The following TUBB3 variants were observed in gnomAD, a reference collection of about 807,000 sequenced individuals.
The protein encoded by TUBB3 is tubulin beta 3 class III.
Under a neutral mutation model 37.8 loss-of-function variants are expected in TUBB3, and 17 were observed. That is an observed-to-expected ratio of 0.45 (90% CI 0.31 to 0.67). The LOEUF (loss-of-function observed/expected upper bound fraction) is 0.67, where lower values mean the gene tolerates loss of function less well. Ranked by LOEUF, TUBB3 falls within the 30% of genes least tolerant of loss-of-function variation. The pLI is 0.07. For synonymous variants in TUBB3, 332 were observed against 278.9 expected (o/e 1.19, Z -1.90); for missense variants, 262 against 657.9 (o/e 0.40, Z 6.58).
chr16:89,933,075 C>A, intron 2 of TUBB3: 1 of 476,982 alleles, frequency 2.1e-6, no homozygotes, highest in South Asian at 1.9e-5. Flanking sequence ...CCCACCTGCC[C>A]ACATGGACAT....
rs1443118671 is a variant in TUBB3, at chr16:89,933,595, C to G, written c.277+17C>G. 1 of 1,601,554 alleles carries G rather than the reference C, an allele frequency of 6.2e-7. No individual in the cohort carries two copies. On this transcript the variant is annotated intron_variant, in intron 3 of 3. Transcript: ENST00000315491. ...TCATCTTTGGTAAGTTCCCCCTGCT[C>G]CAAGCTCTGATGGCAGACCCCATCA...
intron 1 of TUBB3, 144 bp from the exon 2 acceptor site, chr16:89,932,427 G>T: frequency 1.4e-6 from 1 of 691,276 alleles, no homozygotes; most frequent in Non-Finnish European, 2.6e-6. Flanking sequence ...AACAGAGTGT[G>T]GGGCTCTCTT....
intron 1 of TUBB3, chr16:89,931,613 A>T (rs2030281320): frequency 6.3e-6 from 1 of 158,752 alleles, no homozygotes; most frequent in Non-Finnish European, 1.4e-5. Context: ...TATACCATTT[A>T]TATGCCTCAC....
intron 2 of TUBB3, chr16:89,933,006 T>C (rs1191009691): frequency 1.0e-5 from 5 of 492,322 alleles, no homozygotes; most frequent in African/African-American, 1.9e-5. Flanking sequence ...CTGGAGGGCT[T>C]AGTCAGGGGC....
chr16:89,930,034 TCC>T, intron 1 of TUBB3, among the ~76,000 whole-genome samples: 1 of 148,912 alleles, frequency 6.7e-6, no homozygotes, highest in East Asian at 2.0e-4. Flanking sequence ...CTTCCTTCCT[TCC>T]TTCCTTCCTT....
At position 89,935,607 on chromosome 16, in the gene TUBB3, A is replaced by G; in HGVS notation, c.1156A>G (p.Thr386Ala). Residue 386 changes from threonine to alanine, a missense_variant, in exon 4 of 4, where the codon ACG (threonine) becomes GCG (alanine). Around this residue, in one of 3 missense-constraint regions of TUBB3, gnomAD observed 165 missense variants for 556.8 expected, o/e 0.30. Transcript: ENST00000315491. ...GTTCAAGCGCATCTCCGAGCAGTTC[A>G]CGGCCATGTTCCGGCGCAAGGCCTT... Reference protein sequence around the residue: ...ELFKRISEQFTAMFRRKAFLH... With the variant: ...ELFKRISEQFAAMFRRKAFLH... The G allele has an allele frequency of 6.2e-7, 1 of 1,613,930 alleles. No homozygotes were observed. The highest frequency in any genetic ancestry group is 8.5e-7 in the Non-Finnish European group (1 of 1,179,972).
chr16:89,931,626 A>C (rs1261307970), intron 1 of TUBB3: 2 of 164,370 alleles, frequency 1.2e-5, no homozygotes, highest in East Asian at 3.3e-4. Context: ...TGCCTCACAC[A>C]GATTAACCCA....
chr16:89,934,223 GGC>G (rs1236943415), intron 3 of TUBB3: 3 of 418,614 alleles, frequency 7.2e-6, no homozygotes, highest in Admixed American at 5.0e-5. Context: ...TGTGTCCTGG[GGC>G]GGGGCCGTGG....
chr16:89,928,594 G>A (rs1419515327), intron 1 of TUBB3, among the ~76,000 whole-genome samples: 4 of 150,510 alleles, frequency 2.7e-5, no homozygotes, highest in African/African-American at 7.4e-5. Context: ...GCACAATCTC[G>A]GTTCACTGCA....
intron 1 of TUBB3, among the ~76,000 whole-genome samples, chr16:89,928,767 G>A (rs1274591104): frequency 6.6e-6 from 1 of 151,596 alleles, no homozygotes; most frequent in Non-Finnish European, 1.5e-5. Context: ...CTCATGATCC[G>A]CCCACCTCGG....
rs1483244757 is a variant in TUBB3, at chr16:89,930,053, TTCCTTC to T, written c.58-2517_58-2512del. ...CTTCCTTCCTTCCTTCCTTCCTTCC[TTCCTTC>T]CTCTCTCTCTCTCTTTCCTTTCTTT... On this transcript the variant is annotated intron_variant, in intron 1 of 3. Transcript: ENST00000315491. Among the ~76,000 whole-genome samples the T allele has an allele frequency of 3.4e-3, 473 of 140,818 alleles. 2 individuals are homozygous for T. Among genetic ancestry groups the T allele is most frequent in the African/African-American group, 0.012 (427 of 37,092 alleles). 92.4% of individuals were successfully genotyped at this position (140,818 alleles called of 152,430 possible).
intron 3 of TUBB3, chr16:89,934,062 G>A (rs1199429118): frequency 5.5e-6 from 2 of 366,888 alleles, no homozygotes; most frequent in East Asian, 8.3e-5. Context: ...GTCCTGGGGC[G>A]GGGCCGTGGA....
Position 89,935,971 on chromosome 16 carries a change from C to T in TUBB3, c.*167C>T, listed in dbSNP as rs917069915. The T allele has an allele frequency of 1.4e-5, 11 of 783,244 alleles. No homozygotes were observed. The highest frequency in any genetic ancestry group is 3.8e-4 in the Middle Eastern group (1 of 2,656). The allele number at this position is 783,244 out of a possible 1,614,324, so 48.5% of individuals were successfully genotyped here. On this transcript the variant is annotated 3_prime_UTR_variant, in exon 4 of 4. Coordinates refer to ENST00000315491, the MANE Select transcript of TUBB3 (RefSeq NM_006086.4). ...GGCCTCGTCCTCCCCACCTAGGCCA[C>T]GTGTGAGCTGCTCCTGTCTCTGTCT...
rs1157702742 is a variant in TUBB3 at position 89,934,961 on chromosome 16, G to T, written c.510G>T (p.Val170=). 2 of 1,614,200 alleles carry T rather than the reference G, an allele frequency of 1.2e-6. No homozygotes were observed. Among genetic ancestry groups the T allele is most frequent in the Non-Finnish European group, 1.7e-6 (2 of 1,180,034 alleles). ...PDRIMNTFSV[V]PSPKVSDTVV... is the part of the protein sequence containing the mutation. ...GCATCATGAACACCTTCAGCGTCGT[G>T]CCCTCACCCAAGGTGTCAGACACGG... The change falls in exon 4 of 4, where the codon GTG becomes GTT. Residue 170 remains valine, a synonymous_variant. Coordinates refer to ENST00000315491, the MANE Select transcript of TUBB3 (RefSeq NM_006086.4).
intron 1 of TUBB3, among the ~76,000 whole-genome samples, chr16:89,929,970 G>A (rs558645169): frequency 6.6e-6 from 1 of 152,002 alleles, no homozygotes; most frequent in Non-Finnish European, 1.5e-5. Flanking sequence ...AAAGTACTGG[G>A]ATTACAGGCG....
intron 3 of TUBB3, chr16:89,934,404 C>A: frequency 1.9e-6 from 1 of 535,214 alleles, no homozygotes; most frequent in South Asian, 1.5e-5. Flanking sequence ...GTTTGGGCTC[C>A]TGGCACTGCC....
intron 1 of TUBB3, among the ~76,000 whole-genome samples, chr16:89,928,564 G>A (rs1380971219): frequency 1.4e-5 from 2 of 144,400 alleles, no homozygotes; most frequent in African/African-American, 2.6e-5. Context: ...TCTATCTGTT[G>A]CCCAGGCTGG....
At chr16:89,929,284 A>C (rs1195586582) in intron 1 of TUBB3, among the ~76,000 whole-genome samples, 1 of 152,162 alleles carries the variant, frequency 6.6e-6, no homozygotes, top group African/African-American at 2.4e-5. Context: ...TGTAATTTAA[A>C]AATTTAACGC....
intron 2 of TUBB3, chr16:89,933,072 G>T (rs2030330146): frequency 2.1e-6 from 1 of 475,558 alleles, no homozygotes; most frequent in South Asian, 1.9e-5. Flanking sequence ...ACACCCACCT[G>T]CCCACATGGA....
Sources: allele counts gnomAD v4.1 joint callset (sites outside exome capture counted in the v4.1 genomes callset), GRCh38; gene constraint gnomAD v4.1.1; regional missense constraint gnomAD v4.1.1; transcripts MANE v1.5; gene names NCBI Gene and HGNC (gene_info 2026-07-23, HGNC 2026-07-21).